Variants in TENM3 observed in about 807,000 individuals in gnomAD.
TENM3 encodes the protein teneurin-3.
Under a neutral mutation model 255.1 loss-of-function variants are expected in TENM3, and 63 were observed. That is an observed-to-expected ratio of 0.25 (90% CI 0.20 to 0.30). The LOEUF (loss-of-function observed/expected upper bound fraction) is 0.30, where lower values mean the gene tolerates loss of function less well. TENM3 is among the 10% of genes least tolerant of loss of function. The pLI, the probability that TENM3 is intolerant of heterozygous loss-of-function variation, is 1.00. For missense variants in TENM3, 2,929 were observed against 3,461.1 expected, an observed-to-expected ratio of 0.85 and a Z score of 3.86; for synonymous variants, 1,306 against 1,322.3, an observed-to-expected ratio of 0.99 and a Z score of 0.27.
chr4:181,678,857 A>G, the TENM3 span, among the ~76,000 whole-genome samples: 1 of 150,026 alleles, frequency 6.7e-6, no homozygotes, highest in African/African-American at 2.5e-5. Context: ...AAAAAAAAAC[A>G]GAGAAAACAT....
chr4:181,654,072 C>T, the TENM3 span, among the ~76,000 whole-genome samples: 15 of 151,822 alleles, frequency 9.9e-5, no homozygotes, highest in Admixed American at 8.5e-4. Context: ...TCACTGCCAC[C>T]CTCTTTCAAT....
the TENM3 span, among the ~76,000 whole-genome samples, chr4:181,745,362 G>A: frequency 1.3e-5 from 2 of 152,176 alleles, no homozygotes; most frequent in African/African-American, 4.8e-5. Flanking sequence ...AAGGAATTTT[G>A]TTATGAAATC....
At chr4:181,853,722 G>A in the TENM3 span, among the ~76,000 whole-genome samples, 2 of 152,158 alleles carry the variant, frequency 1.3e-5, no homozygotes, top group South Asian at 2.1e-4. Flanking sequence ...AGAAATAACA[G>A]CAATCTAAAA....
intron 3 of TENM3, among the ~76,000 whole-genome samples, chr4:182,582,394 A>G (rs1406516795): frequency 2.0e-5 from 3 of 152,230 alleles, no homozygotes; most frequent in Non-Finnish European, 4.4e-5. Flanking sequence ...TGAAACAGGA[A>G]TACGTACCTA....
chr4:181,561,083 G>A, the TENM3 span, among the ~76,000 whole-genome samples: 1 of 152,132 alleles, frequency 6.6e-6, no homozygotes, highest in Non-Finnish European at 1.5e-5. Flanking sequence ...CTCCCGAGTA[G>A]CTGGGATTTC....
chr4:181,906,756 G>T, the TENM3 span, among the ~76,000 whole-genome samples: 7 of 152,052 alleles, frequency 4.6e-5, no homozygotes, highest in Admixed American at 6.6e-5. Context: ...TATGTTTCCC[G>T]GGCTGGACTG....
chr4:182,495,505 GAA>G (rs35571334), intron 3 of TENM3, among the ~76,000 whole-genome samples: 5 of 147,946 alleles, frequency 3.4e-5, no homozygotes, highest in African/African-American at 9.8e-5. Context: ...CTTTAAAAGT[GAA>G]AAAAAAAATG....
intron 3 of TENM3, among the ~76,000 whole-genome samples, chr4:182,567,018 C>T (rs1215397849): frequency 6.6e-6 from 1 of 151,976 alleles, no homozygotes; most frequent in Non-Finnish European, 1.5e-5. Context: ...GTGTTAACTA[C>T]ATACTGCAAA....
chr4:182,041,426 C>T, the TENM3 span, among the ~76,000 whole-genome samples: 2 of 152,196 alleles, frequency 1.3e-5, no homozygotes, highest in Non-Finnish European at 2.9e-5. Flanking sequence ...GGAAAAAAAG[C>T]AAAGACTCTA....
At chr4:181,542,001 A>G in the TENM3 span, among the ~76,000 whole-genome samples, 30 of 152,354 alleles carry the variant, frequency 2.0e-4, no homozygotes, top group Middle Eastern at 3.4e-3. Flanking sequence ...GACAAGCGTT[A>G]GCTGAGTATC....
At chr4:182,169,082 C>CACACACACAT (rs1554025021) in intron 1 of TENM3, among the ~76,000 whole-genome samples, 1 of 150,998 alleles carries the variant, frequency 6.6e-6, no homozygotes, top group South Asian at 2.1e-4. Context: ...CATACACACA[C>CACACACACAT]ACACACACAC....
intron 3 of TENM3, among the ~76,000 whole-genome samples, chr4:182,564,068 G>C (rs1161517807): frequency 6.6e-6 from 1 of 152,090 alleles, no homozygotes; most frequent in East Asian, 1.9e-4. Flanking sequence ...CCTTAGGTTG[G>C]AAAGAGCCTC....
At chr4:182,492,113 C>T (rs189250016) in intron 3 of TENM3, among the ~76,000 whole-genome samples, 57 of 152,278 alleles carry the variant, frequency 3.7e-4, no homozygotes, top group Admixed American at 3.3e-3. Flanking sequence ...AAATAAGAGA[C>T]AATAAGGGTA....
At chr4:182,506,839 G>GA (rs1736871607) in intron 3 of TENM3, among the ~76,000 whole-genome samples, 1 of 152,132 alleles carries the variant, frequency 6.6e-6, no homozygotes, top group African/African-American at 2.4e-5. Context: ...ACTCTGTTTT[G>GA]ATAGTACTTA....
intron 3 of TENM3, among the ~76,000 whole-genome samples, chr4:182,364,822 C>A (rs1458377983): frequency 6.6e-6 from 1 of 152,206 alleles, no homozygotes; most frequent in East Asian, 1.9e-4. Context: ...ATATCTACTA[C>A]TGTTGGACAT....
chr4:181,848,081 G>A, the TENM3 span, among the ~76,000 whole-genome samples: 5 of 152,066 alleles, frequency 3.3e-5, no homozygotes, highest in African/African-American at 4.8e-5. Flanking sequence ...TTTGCATTGC[G>A]CCCTTTATCT....
chr4:182,423,789 A>G (rs749476971), intron 3 of TENM3, among the ~76,000 whole-genome samples: 20 of 152,190 alleles, frequency 1.3e-4, no homozygotes, highest in East Asian at 1.9e-4. Context: ...AATAGTTTTA[A>G]TATATTCTAA....
At chr4:182,240,250 G>T (rs1296070644), upstream of TENM3, among the ~76,000 whole-genome samples, 1 of 152,090 alleles carries the variant, frequency 6.6e-6, no homozygotes, top group African/African-American at 2.4e-5. Flanking sequence ...CCATAAATAG[G>T]CCTGCTTGTG....
the TENM3 span, among the ~76,000 whole-genome samples, chr4:181,831,326 A>G: frequency 1.7e-4 from 26 of 152,126 alleles, no homozygotes; most frequent in Admixed American, 6.6e-4. Context: ...TGTCATCTGC[A>G]TGTATTATTC....
Sources: gnomAD v4.1 joint callset for allele counts (sites outside exome capture counted in the v4.1 genomes callset) on GRCh38, gnomAD v4.1.1 for gene constraint, MANE v1.5 for transcripts, NCBI Gene and HGNC (gene_info 2026-07-23, HGNC 2026-07-21) for gene names.